The following FANCC variants were observed in gnomAD, a reference collection of about 807,000 sequenced individuals.
FANCC encodes the protein Fanconi anemia group C protein.
Under a neutral mutation model 71.3 loss-of-function variants are expected in FANCC, and 55 were observed. That is an observed-to-expected ratio of 0.77 (90% confidence interval 0.62 to 0.97). The LOEUF (loss-of-function observed/expected upper bound fraction) is 0.97. Ranked by LOEUF, FANCC falls within the 50% of genes least tolerant of loss-of-function variation. The pLI is 0.00. For missense variants in FANCC, 678 were observed against 670.9 expected, an observed-to-expected ratio of 1.01 and a Z score of -0.12; for synonymous variants, 275 against 244.9, an observed-to-expected ratio of 1.12 and a Z score of -1.15.
intron 4 of FANCC, among the ~76,000 whole-genome samples, chr9:95,232,338 C>T (rs1468603879): frequency 6.6e-6 from 1 of 152,138 alleles, no homozygotes; most frequent in African/African-American, 2.4e-5. Flanking sequence ...GACACAGATC[C>T]AAACCATATC....
At chr9:95,279,016 A>G (rs1454635289) in intron 1 of FANCC, among the ~76,000 whole-genome samples, 1 of 151,642 alleles carries the variant, frequency 6.6e-6, no homozygotes, top group Non-Finnish European at 1.5e-5. Context: ...AATCTCTACA[A>G]AAAAATAAAA....
chr9:95,251,065 T>C (rs1831300150), intron 1 of FANCC, among the ~76,000 whole-genome samples: 1 of 152,176 alleles, frequency 6.6e-6, no homozygotes, highest in Admixed American at 6.5e-5. Flanking sequence ...TCTCATCTGC[T>C]TCATGCACAC....
chr9:95,123,660 C>T (rs749997377), intron 10 of FANCC: 12 of 636,436 alleles, frequency 1.9e-5, no homozygotes, highest in Non-Finnish European at 3.6e-5. Flanking sequence ...ACAGTGGAGG[C>T]TGCAGCAGTC....
intron 1 of FANCC, chr9:95,294,191 C>T (rs1834236309): frequency 6.3e-7 from 1 of 1,599,658 alleles, no homozygotes; most frequent in Non-Finnish European, 8.6e-7. Context: ...AACACAAATC[C>T]TGGACCTGAC....
chr9:95,150,062 G>A lies in FANCC; in HGVS notation c.547C>T (p.Leu183=), dbSNP rs1554838616. 1 of 1,614,128 alleles carries A rather than the reference G, an allele frequency of 6.2e-7. No individual in the cohort carries two copies. Among genetic ancestry groups the A allele is most frequent in the Non-Finnish European group, 8.5e-7 (1 of 1,180,032 alleles). Residue 183 remains leucine, a synonymous_variant, in exon 7 of 15, where the codon CTG becomes TTG. Coordinates refer to ENST00000289081, the MANE Select transcript of FANCC (RefSeq NM_000136.3). ...ATAAGTGGGACACAAACTCGTGACA[G>A]GGACGCCACTCGCTCGGGAGCCATT... ...RRMAPERVAS[L]SRVCVPLITL...
Position 95,101,108 on chromosome 9 carries a change from T to C in FANCC, c.*599A>G, listed in dbSNP as rs1270065294. On this transcript the variant is annotated 3_prime_UTR_variant, in exon 15 of 15. Coordinates refer to ENST00000289081, the MANE Select transcript of FANCC (RefSeq NM_000136.3). ...TTAGCATCATTTAGCAAATACAGAG[T>C]GGAAAGAGTGTGCCGGAGGCCCGGG... 4.2e-6 allele frequency: 1 copy of C among 239,510 alleles called. No individual in the cohort carries two copies. The highest frequency in any genetic ancestry group is 5.9e-5 in the East Asian group (1 of 16,916). 14.8% of individuals were successfully genotyped at this position (239,510 alleles called of 1,614,324 possible). A position where few individuals can be genotyped will look rare whatever the true frequency, so the allele number is the denominator to read the frequency against.
intron 1 of FANCC, among the ~76,000 whole-genome samples, chr9:95,254,969 G>T (rs774764160): frequency 1.3e-5 from 2 of 152,070 alleles, no homozygotes; most frequent in Non-Finnish European, 2.9e-5. Flanking sequence ...AGGGATGTTC[G>T]CTCAGCAAAG....
chr9:95,118,791 G>A (rs2072640777), intron 10 of FANCC, among the ~76,000 whole-genome samples: 1 of 152,176 alleles, frequency 6.6e-6, no homozygotes, highest in Non-Finnish European at 1.5e-5. Context: ...GTATGAATAT[G>A]CCATAGTCTG....
intron 1 of FANCC, among the ~76,000 whole-genome samples, chr9:95,298,618 C>G (rs139390269): frequency 6.6e-6 from 1 of 152,136 alleles, no homozygotes; most frequent in African/African-American, 2.4e-5. Flanking sequence ...TTGAAGAAAA[C>G]GTCTTGTACC....
At chr9:95,293,426 TAAAG>T (rs1834177247) in intron 1 of FANCC, 2 of 1,576,100 alleles carry the variant, frequency 1.3e-6, no homozygotes, top group Non-Finnish European at 1.7e-6. Context: ...CTTGCTCTCT[TAAAG>T]AGAGCCTACT....
At chr9:95,182,285 C>T (rs1399737918) in intron 4 of FANCC, among the ~76,000 whole-genome samples, 1 of 151,444 alleles carries the variant, frequency 6.6e-6, no homozygotes, top group African/African-American at 2.4e-5. Context: ...CTTTGGGAGG[C>T]CGAGGCAGGC....
intron 13 of FANCC, chr9:95,110,465 G>C (rs917744752): frequency 1.9e-6 from 2 of 1,029,252 alleles, no homozygotes; most frequent in African/African-American, 3.4e-5. Context: ...GAAATAAAAA[G>C]CTTTCTTTTT....
intron 4 of FANCC, among the ~76,000 whole-genome samples, chr9:95,179,494 G>A (rs1238496813): frequency 6.6e-6 from 1 of 152,156 alleles, no homozygotes; most frequent in Non-Finnish European, 1.5e-5. Context: ...TTACAGGTGT[G>A]TGCCACCACG....
At chr9:95,132,758 G>A (rs1313878791) in intron 8 of FANCC, among the ~76,000 whole-genome samples, 1 of 152,188 alleles carries the variant, frequency 6.6e-6, no homozygotes, top group African/African-American at 2.4e-5. Context: ...TGGTCTTAAT[G>A]GAAAATATCA....
intron 1 of FANCC, among the ~76,000 whole-genome samples, chr9:95,282,831 A>G (rs1017712198): frequency 2.0e-5 from 3 of 152,214 alleles, no homozygotes; most frequent in African/African-American, 7.2e-5. Context: ...GCTCCTAAAC[A>G]ATGAGTTAAT....
intron 7 of FANCC, among the ~76,000 whole-genome samples, chr9:95,146,268 C>T (rs956290061): frequency 1.3e-5 from 2 of 151,948 alleles, no homozygotes; most frequent in African/African-American, 4.8e-5. Flanking sequence ...AGGCAGACTC[C>T]TTGAGCCCAG....
intron 3 of FANCC, 140 bp from the exon 4 acceptor site, chr9:95,240,883 C>A: frequency 1.6e-6 from 1 of 642,268 alleles, no homozygotes; most frequent in South Asian, 1.9e-5. Flanking sequence ...TTTGCTTTCT[C>A]GCCATCATAC....
At chr9:95,229,297 C>CA (rs34502007) in intron 4 of FANCC, among the ~76,000 whole-genome samples, 1,379 of 99,260 alleles carry the variant, frequency 0.014, 20 homozygotes, top group African/African-American at 0.039. Flanking sequence ...GATTCCTTCT[C>CA]AAAAAAAAAA....
chr9:95,150,951 T>C (rs1302150534), intron 6 of FANCC, among the ~76,000 whole-genome samples: 1 of 152,140 alleles, frequency 6.6e-6, no homozygotes, highest in Non-Finnish European at 1.5e-5. Context: ...TAAATGCAAA[T>C]GAATTAAAAT....
Sources: allele counts gnomAD v4.1 joint callset (sites outside exome capture counted in the v4.1 genomes callset), GRCh38; gene constraint gnomAD v4.1.1; transcripts MANE v1.5; gene names NCBI Gene and HGNC (gene_info 2026-07-23, HGNC 2026-07-21).